The following RRAS2 variants were observed in gnomAD, a reference collection of about 807,000 sequenced individuals.
RRAS2 encodes the protein ras-related protein R-Ras2.
RRAS2 carries 7 observed loss-of-function variants against 27.6 expected under a neutral mutation model. That is an observed-to-expected ratio of 0.25 (90% CI 0.14 to 0.48). The LOEUF is 0.48. RRAS2 is among the 20% of genes least tolerant of loss of function. The pLI, the probability that RRAS2 is intolerant of heterozygous loss-of-function variation, is 0.99. For missense variants in RRAS2, 178 were observed against 256.2 expected (o/e 0.69, Z 2.08); for synonymous variants, 86 against 90.9 (o/e 0.95, Z 0.31).
At chr11:14,289,473 T>A (rs1849751885) in intron 4 of RRAS2, among the ~76,000 whole-genome samples, 1 of 152,252 alleles carries the variant, frequency 6.6e-6, no homozygotes. Context: ...TTGTTATATT[T>A]ACCTACTTTC....
At chr11:14,282,055 T>G (rs1322394387) in intron 4 of RRAS2, among the ~76,000 whole-genome samples, 1 of 152,160 alleles carries the variant, frequency 6.6e-6, no homozygotes, top group African/African-American at 2.4e-5. Context: ...AGCGAAAGCT[T>G]CCCTGAGGAA....
At chr11:14,288,364 A>G (rs1327520025) in intron 4 of RRAS2, among the ~76,000 whole-genome samples, 3 of 152,214 alleles carry the variant, frequency 2.0e-5, no homozygotes, top group Non-Finnish European at 2.9e-5. Context: ...TCTGGTGAAG[A>G]AATCTCTAAC....
intron 4 of RRAS2, among the ~76,000 whole-genome samples, chr11:14,287,871 CAAAAAAAAA>C (rs34954723): frequency 8.4e-6 from 1 of 119,032 alleles, no homozygotes; most frequent in Non-Finnish European, 1.7e-5. Flanking sequence ...GACTCTGTCT[CAAAAAAAAA>C]AAAAAAAAAA....
chr11:14,282,306 T>A (rs1849561634), intron 4 of RRAS2, among the ~76,000 whole-genome samples: 1 of 152,184 alleles, frequency 6.6e-6, no homozygotes, highest in Non-Finnish European at 1.5e-5. Context: ...CATCATTGCA[T>A]TCCCCAAAAC....
At position 14,358,481 on chromosome 11, in the gene RRAS2, G is replaced by A. The variant is rs1308599008; in HGVS notation, c.108+282C>T. On this transcript the variant is annotated intron_variant, in intron 1 of 5. Coordinates refer to ENST00000256196, the MANE Select transcript of RRAS2 (RefSeq NM_012250.6). The surrounding 1 kb of genome is among the most constrained non-coding windows in gnomAD (Gnocchi z 5.1). ...CCGGAGGTCTCTGGCCTCGGCCAGAGCAATAAGGTGGATCGGTGCTTCCCA... is the reference window on the plus strand; with the variant it reads ...CCGGAGGTCTCTGGCCTCGGCCAGAACAATAAGGTGGATCGGTGCTTCCCA... 2.0e-6 allele frequency: 2 copies of A among 985,584 alleles called. No homozygotes were observed. The highest frequency in any genetic ancestry group is 1.7e-5 in the African/African-American group (1 of 57,254). The allele number at this position is 985,584 out of a possible 1,614,324, so 61.1% of individuals were successfully genotyped here.
chr11:14,321,026 A>C (rs1480659726), intron 1 of RRAS2, among the ~76,000 whole-genome samples: 1 of 152,036 alleles, frequency 6.6e-6, no homozygotes. Flanking sequence ...CTAAAAATAC[A>C]ACAATTAGCT....
chr11:14,293,554 C>T (rs377086495), intron 4 of RRAS2, among the ~76,000 whole-genome samples: 14 of 151,888 alleles, frequency 9.2e-5, no homozygotes, highest in South Asian at 2.1e-4. Flanking sequence ...GAATCATCCG[C>T]GGTTTCCCCC....
chr11:14,314,861 G>T (rs984745412), intron 1 of RRAS2, among the ~76,000 whole-genome samples: 6 of 152,038 alleles, frequency 3.9e-5, no homozygotes, highest in African/African-American at 1.4e-4. Context: ...GCTAATTTTT[G>T]TATTTTTAGT....
chr11:14,339,883 G>A (rs1232046096), intron 1 of RRAS2, among the ~76,000 whole-genome samples: 1 of 151,830 alleles, frequency 6.6e-6, no homozygotes, highest in African/African-American at 2.4e-5. Context: ...GGAGGCTGAG[G>A]TGGGCAGATG....
chr11:14,295,002 T>C (rs1847507075), intron 2 of RRAS2, 140 bp from the exon 3 acceptor site: 1 of 646,960 alleles, frequency 1.5e-6, no homozygotes, highest in Middle Eastern at 3.9e-4. Flanking sequence ...CTTAGTACTT[T>C]ATTCTTAATA....
chr11:14,361,931 A>G (rs185622659), upstream of RRAS2, among the ~76,000 whole-genome samples: 2 of 152,358 alleles, frequency 1.3e-5, no homozygotes, highest in African/African-American at 4.8e-5. Flanking sequence ...GTCCTGATAC[A>G]TGCTACAGCA....
rs781970568 is a variant in RRAS2, at chr11:14,279,380, C to T, written c.572G>A (p.Arg191Gln). 11 of 1,612,996 alleles carry T rather than the reference C, an allele frequency of 6.8e-6. No homozygotes were observed. The highest frequency in any genetic ancestry group is 1.3e-5 in the African/African-American group (1 of 74,894). ...GCAGCCTTTCTTGTCTTTTTCTTTC[C>T]GTGTTGGTTCTGGTGAAGGAGGACA... The part of the protein sequence containing the change: ...QECPPSPEPT[R>Q]KEKDKKGCHC... The change falls in exon 6 of 6, where the codon CGG becomes CAG. Residue 191 changes from arginine (R) to glutamine (Q), a missense_variant. Physicochemically the swap from Arg to Gln is conservative, Grantham distance 43 (BLOSUM62 1). Coordinates refer to ENST00000256196, the MANE Select transcript of RRAS2 (RefSeq NM_012250.6).
upstream of RRAS2, among the ~76,000 whole-genome samples, chr11:14,362,978 G>A (rs536016530): frequency 3.3e-5 from 5 of 152,328 alleles, no homozygotes; most frequent in African/African-American, 9.6e-5. Flanking sequence ...TCTAGCCAGC[G>A]CATATGTTTT....
intron 1 of RRAS2, among the ~76,000 whole-genome samples, chr11:14,338,922 T>G (rs972881336): frequency 6.6e-6 from 1 of 152,132 alleles, no homozygotes; most frequent in African/African-American, 2.4e-5. Flanking sequence ...ACCAAACTTA[T>G]GTGACGCCAT....
chr11:14,281,478 T>TA, intron 5 of RRAS2, 124 bp downstream of exon 5: 6 of 624,124 alleles, frequency 9.6e-6, no homozygotes, highest in Admixed American at 3.8e-5. Context: ...AATATGTACT[T>TA]AAAAATTGTA....
At chr11:14,324,210 T>C (rs1848295063) in intron 1 of RRAS2, among the ~76,000 whole-genome samples, 2 of 151,710 alleles carry the variant, frequency 1.3e-5, no homozygotes, top group African/African-American at 4.8e-5. Flanking sequence ...TTCAGCAAGG[T>C]ATTTGGATAT....
chr11:14,322,284 A>AG (rs1395509141), intron 1 of RRAS2, among the ~76,000 whole-genome samples: 1 of 151,782 alleles, frequency 6.6e-6, no homozygotes, highest in Non-Finnish European at 1.5e-5. Flanking sequence ...TACAAAAAAA[A>AG]AAAAAATGAG....
chr11:14,282,167 A>G (rs1382794764), intron 4 of RRAS2, among the ~76,000 whole-genome samples: 3 of 152,178 alleles, frequency 2.0e-5, no homozygotes, highest in African/African-American at 7.2e-5. Context: ...GTGTGAGGCC[A>G]TGAGAGTGAA....
Position 14,358,708 on chromosome 11 carries a change from C to A in RRAS2, c.108+55G>T. On this transcript the variant is annotated intron_variant, in intron 1 of 5. Coordinates refer to ENST00000256196, the MANE Select transcript of RRAS2 (RefSeq NM_012250.6). The surrounding 1 kb of genome is among the most constrained non-coding windows in gnomAD (Gnocchi z 5.1). ...GCGGCGGCCGCCCCGCCACAGGTAG[C>A]GCCAGCCCCCGCCCGCCGCCGCTCC... is the stretch of plus-strand genomic sequence containing the variant. 1 of 1,137,562 alleles carries A rather than the reference C, an allele frequency of 8.8e-7. No individual in the cohort carries two copies. Among genetic ancestry groups the A allele is most frequent in the South Asian group, 3.5e-5 (1 of 28,658 alleles). The allele number at this position is 1,137,562 out of a possible 1,614,324, so 70.5% of individuals were successfully genotyped here. A position where few individuals can be genotyped will look rare whatever the true frequency, so the allele number is the denominator to read the frequency against.
Sources: gnomAD v4.1 joint callset for allele counts (sites outside exome capture counted in the v4.1 genomes callset) on GRCh38, gnomAD v4.1.1 for gene constraint, Gnocchi (gnomAD v3.1) non-coding constraint, MANE v1.5 for transcripts, NCBI Gene and HGNC (gene_info 2026-07-23, HGNC 2026-07-21) for gene names.